Variants in TCOF1 observed in about 807,000 individuals in gnomAD.
The protein encoded by TCOF1 is treacle protein.
TCOF1 carries 33 observed loss-of-function variants against 149.0 expected under a neutral mutation model. The ratio of observed to expected loss-of-function variants is 0.22; its 90% CI spans 0.17 to 0.30. The LOEUF (loss-of-function observed/expected upper bound fraction) is 0.30. Among genes scored for constraint, TCOF1 ranks in the 10% least tolerant of loss-of-function variants. TCOF1 has a pLI of 1.00. For synonymous variants in TCOF1, 789 were observed against 738.8 expected (o/e 1.07, Z -1.10); for missense variants, 1,728 against 1,840.7 (o/e 0.94, Z 1.12).
At position 150,396,662 on chromosome 5, in the gene TCOF1, G is replaced by C; in HGVS notation, c.4165G>C (p.Gly1389Arg). 8 of 1,611,180 alleles carry C rather than the reference G, an allele frequency of 5.0e-6. No individual in the cohort carries two copies. The highest frequency in any genetic ancestry group is 5.1e-6 in the Non-Finnish European group (6 of 1,178,676). Residue 1389 changes from glycine (G) to arginine (R), a missense_variant, in exon 24 of 27, where the codon GGG (glycine) becomes CGG (arginine). Gly to Arg is a moderately radical substitution (Grantham distance 125, BLOSUM62 -2). This residue lies in a region of TCOF1 where 1,696 missense variants were observed against 1,765.4 expected (regional missense o/e 0.96). Transcript: ENST00000643257. ...SPEKTSTTSK[G>R]KAKRDKASGD... is the part of the protein sequence containing the mutation. Reference sequence around the variant, plus strand: ...AGAAAAGACCTCCACGACTTCCAAGGGGAAAGCAAAGAGAGACAAAGCAAG... The same window carrying C: ...AGAAAAGACCTCCACGACTTCCAAGCGGAAAGCAAAGAGAGACAAAGCAAG...
In TCOF1 at chr5:150,367,661, C is replaced by T. The variant is rs12517754; in HGVS notation, c.305-183C>T. 1.0e-3 allele frequency: 675 copies of T among 670,334 alleles called. 1 individual carries two copies. The highest frequency in any genetic ancestry group is 1.6e-3 in the Middle Eastern group (6 of 3,680). 41.5% of individuals were successfully genotyped at this position (670,334 alleles called of 1,614,324 possible). On this transcript the variant is annotated intron_variant, in intron 3 of 26. Coordinates refer to ENST00000643257, the MANE Select transcript of TCOF1 (RefSeq NM_001371623.1). The stretch of plus-strand genomic sequence containing the variant: ...TGTTACCATCCTCTTCTCTCTTGCT[C>T]CTGGTGGACCTGGCTGATGCATCAC...
rs755295207 is a variant in TCOF1, at chr5:150,375,413, C to T, written c.1563C>T (p.Ala521=). The T allele has an allele frequency of 3.7e-5, 60 of 1,612,720 alleles. No homozygotes were observed. The highest frequency in any genetic ancestry group is 2.7e-4 in the South Asian group (25 of 91,016). Residue 521 remains alanine, a synonymous_variant, in exon 11 of 27, where the codon GCC becomes GCT. Transcript: ENST00000643257. ...GCATGGGGCCCTTGGGGAAAGGCGC[C>T]GGCCCAGTGCCACCCGGGAAGGTGG... ...TMGMGPLGKG[A]GPVPPGKVGP... is the part of the protein sequence containing the mutation.
chr5:150,399,764 A>G (rs898050452), intron 26 of TCOF1, 46 bp from the exon 27 acceptor site: 3 of 154,062 alleles, frequency 1.9e-5, no homozygotes, highest in African/African-American at 7.2e-5. Flanking sequence ...CTTGCAGGGG[A>G]AAAGGGTCAG....
At position 150,396,450 on chromosome 5, in the gene TCOF1, A is replaced by G. The variant is rs1768531236; in HGVS notation, c.3953A>G (p.Lys1318Arg). The part of the protein sequence containing the change: ...NEAQVQASVV[K>R]VLTELLEQER... ...GCCCAGGTGCAGGCCTCAGTGGTGA[A>G]GGTCCTGACTGAGCTGCTGGAACAG... The change falls in exon 24 of 27, where the codon AAG becomes AGG. Residue 1318 changes from lysine (K) to arginine (R), a missense_variant. By Grantham distance (26) the Lys-to-Arg change is conservative. Around this residue, in one of 2 missense-constraint regions of TCOF1, gnomAD observed 1,696 missense variants for 1,765.4 expected, o/e 0.96. Transcript: ENST00000643257. 6.2e-7 allele frequency: 1 copy of G among 1,614,082 alleles called. No homozygotes were observed. The highest frequency in any genetic ancestry group is 1.1e-5 in the South Asian group (1 of 91,084).
intron 26 of TCOF1, among the ~76,000 whole-genome samples, chr5:150,399,531 G>A (rs746343860): frequency 3.9e-5 from 6 of 152,146 alleles, no homozygotes; most frequent in Admixed American, 2.0e-4. Flanking sequence ...AAGTGGTGGT[G>A]ACAGTTAGCT....
intron 17 of TCOF1, among the ~76,000 whole-genome samples, chr5:150,383,368 C>G (rs572185313): frequency 1.4e-4 from 21 of 152,392 alleles, no homozygotes; most frequent in African/African-American, 4.3e-4. Flanking sequence ...GTTAAACATA[C>G]AGGCTTCAGA....
At chr5:150,384,095 C>A (rs959772481) in intron 17 of TCOF1, 2 of 1,229,864 alleles carry the variant, frequency 1.6e-6, no homozygotes, top group South Asian at 2.8e-5. Context: ...CAGACCAGAG[C>A]GGTCTCATGA....
chr5:150,360,173 G>A (rs1006697245), intron 1 of TCOF1, among the ~76,000 whole-genome samples: 4 of 152,180 alleles, frequency 2.6e-5, no homozygotes, highest in Non-Finnish European at 4.4e-5. Context: ...GGTAGGTATC[G>A]CTGTTGTCCC....
chr5:150,399,836 C>G lies in TCOF1; in HGVS notation c.*49C>G, dbSNP rs1769416803. The G allele has an allele frequency of 6.5e-6, 1 of 152,948 alleles. No homozygotes were observed. Among genetic ancestry groups the G allele is most frequent in the Non-Finnish European group, 1.5e-5 (1 of 68,610 alleles). The allele number at this position is 152,948 out of a possible 1,614,324, so 9.5% of individuals were successfully genotyped here. Reference sequence around the variant, plus strand: ...GATTTCCTAGCCGAGCAGTGGCCATCCCCATGCCTCTGACCTCCACCGACC... The same window carrying G: ...GATTTCCTAGCCGAGCAGTGGCCATGCCCATGCCTCTGACCTCCACCGACC... On this transcript the variant is annotated 3_prime_UTR_variant, in exon 27 of 27. Transcript: ENST00000643257.
In TCOF1 at chr5:150,399,140, G is replaced by C; in HGVS notation, c.*22+70G>C. 13 of 1,603,222 alleles carry C rather than the reference G, an allele frequency of 8.1e-6. 1 individual carries two copies. The highest frequency in any genetic ancestry group is 2.2e-5 in the East Asian group (1 of 44,828). ...CTCTGGTGTCCCCTGTGGTCCCAGA[G>C]AGCCAGGCAGACCTGATAGGTGGGC... On this transcript the variant is annotated intron_variant, in intron 26 of 26. Coordinates refer to ENST00000643257, the MANE Select transcript of TCOF1 (RefSeq NM_001371623.1).
intron 11 of TCOF1, 27 bp downstream of exon 11, chr5:150,375,581 T>C (rs765816841): frequency 1.2e-6 from 2 of 1,613,700 alleles, no homozygotes; most frequent in Non-Finnish European, 1.7e-6. Flanking sequence ...TAAGGCTCTT[T>C]CTTTTTCCCC....
rs146693045 is a variant in TCOF1, at chr5:150,388,067, G to A, written c.3025G>A (p.Ala1009Thr). The A allele has an allele frequency of 5.0e-6, 8 of 1,613,294 alleles. No individual in the cohort carries two copies. The highest frequency in any genetic ancestry group is 1.7e-5 in the Admixed American group (1 of 59,974). ...SESEDEDVIP[A>T]TQCLTPGIRT... ...GAGCGAGGATGAGGACGTGATCCCC[G>A]CTACACAGTGCTTGACTCCTGGTGA... is the stretch of plus-strand genomic sequence containing the variant. Residue 1009 changes from alanine (A) to threonine (T), a missense_variant, in exon 18 of 27, where the codon GCT (alanine) becomes ACT (threonine). By Grantham distance (58) the Ala-to-Thr change is moderately conservative. Transcript: ENST00000643257.
chr5:150,376,374 G>A (rs370791706), intron 13 of TCOF1, 44 bp downstream of exon 13: 12 of 1,614,038 alleles, frequency 7.4e-6, no homozygotes, highest in South Asian at 5.5e-5. Context: ...CCGCCCCTAC[G>A]TGGTCCTTTG....
At position 150,364,197 on chromosome 5, in the gene TCOF1, C is replaced by T. The variant is rs1405481920; in HGVS notation, c.249C>T (p.Ser83=). The T allele has an allele frequency of 1.2e-6, 2 of 1,614,126 alleles. No homozygotes were observed. The highest frequency in any genetic ancestry group is 1.7e-5 in the Admixed American group (1 of 60,022). The change falls in exon 3 of 27, where the codon AGC becomes AGT. Residue 83 remains serine, a synonymous_variant. Coordinates refer to ENST00000643257, the MANE Select transcript of TCOF1 (RefSeq NM_001371623.1). ...AAACCCGTGTGTCAGACCCCATCAG[C>T]ACCTCGGAGAGCTCGGAAGAGGAGG... ...AKKTRVSDPI[S]TSESSEEEEE... is the part of the protein sequence containing the mutation.
Position 150,398,902 on chromosome 5 carries a change from G to A in TCOF1, c.4444-120G>A, listed in dbSNP as rs543259369. 155 of 1,404,278 alleles carry A rather than the reference G, an allele frequency of 1.1e-4. 3 individuals are homozygous for A. In the South Asian group the frequency reaches 1.8e-3, roughly 16 times the overall value. The allele number at this position is 1,404,278 out of a possible 1,614,324, so 87.0% of individuals were successfully genotyped here. On this transcript the variant is annotated intron_variant, in intron 25 of 26. Transcript: ENST00000643257. ...GAACATCTGTTTGCCTCTGCCCTTG[G>A]AGGTCGCTGCAGACCCAGTATCTAT...
chr5:150,361,113 T>G (rs1390237105), intron 1 of TCOF1, 43 bp from the exon 2 acceptor site: 2 of 1,613,326 alleles, frequency 1.2e-6, no homozygotes, highest in African/African-American at 2.7e-5. Flanking sequence ...GGATCCTTAC[T>G]GTGCTGGGGA....
At chr5:150,388,317 G>A (rs1481052416) in intron 18 of TCOF1, among the ~76,000 whole-genome samples, 1 of 152,202 alleles carries the variant, frequency 6.6e-6, no homozygotes, top group African/African-American at 2.4e-5. Context: ...CAGTCATGGA[G>A]CCCAGACCAG....
At position 150,379,707 on chromosome 5, in the gene TCOF1, C is replaced by T. The variant is rs771041880; in HGVS notation, c.2834C>T (p.Ala945Val). ...GAGGAATCAGACAGTGATGGGGAGG[C>T]ACCGGCAGCTGTGACCTCTGCCCAG... ...SSEESDSDGEAPAAVTSAQVI... is the reference protein window; with the variant it reads ...SSEESDSDGEVPAAVTSAQVI... The change falls in exon 17 of 27, where the codon GCA becomes GTA. Residue 945 changes from alanine to valine, a missense_variant. Coordinates refer to ENST00000643257, the MANE Select transcript of TCOF1 (RefSeq NM_001371623.1). The T allele has an allele frequency of 5.6e-6, 9 of 1,614,170 alleles. No individual in the cohort carries two copies. Among genetic ancestry groups the T allele is most frequent in the Non-Finnish European group, 7.6e-6 (9 of 1,180,036 alleles).
chr5:150,398,992 T>C (rs759200044), intron 25 of TCOF1, 30 bp from the exon 26 acceptor site: 4 of 1,614,252 alleles, frequency 2.5e-6, no homozygotes, highest in Non-Finnish European at 3.4e-6. Flanking sequence ...GCTGCAGGTC[T>C]GAGAGCCTCT....
Sources: allele counts gnomAD v4.1 joint callset (sites outside exome capture counted in the v4.1 genomes callset), GRCh38; gene constraint gnomAD v4.1.1; regional missense constraint gnomAD v4.1.1; transcripts MANE v1.5; gene names NCBI Gene and HGNC (gene_info 2026-07-23, HGNC 2026-07-21).